CAPN3: variants seen among roughly 807,000 people sequenced by gnomAD.
CAPN3 encodes the protein calpain-3.
A neutral mutation model predicts 114.0 loss-of-function variants in CAPN3; 88 were observed. The ratio of observed to expected loss-of-function variants is 0.77; its 90% CI spans 0.65 to 0.92. The LOEUF (loss-of-function observed/expected upper bound fraction) is 0.92. Ranked by LOEUF, CAPN3 falls within the 40% of genes least tolerant of loss-of-function variation. The pLI, the probability that CAPN3 is intolerant of heterozygous loss-of-function variation, is 0.00. For missense variants in CAPN3, 1,028 were observed against 1,069.0 expected (o/e 0.96, Z 0.53); for synonymous variants, 386 against 382.9 (o/e 1.01, Z -0.09).
intron 6 of CAPN3, among the ~76,000 whole-genome samples, chr15:42,391,251 C>G (rs527404742): frequency 5.3e-5 from 8 of 152,054 alleles, no homozygotes; most frequent in Non-Finnish European, 1.2e-4. Context: ...TGTTTTGCTA[C>G]TATTCTAAAA....
At chr15:42,377,058 GA>G (rs1169874772) in intron 1 of CAPN3, among the ~76,000 whole-genome samples, 1 of 152,036 alleles carries the variant, frequency 6.6e-6, no homozygotes, top group African/African-American at 2.4e-5. Context: ...GTTCCCAGTG[GA>G]TTTTTTTGGG....
At chr15:42,398,632 CACAT>C (rs747848066) in intron 9 of CAPN3, among the ~76,000 whole-genome samples, 155 of 128,170 alleles carry the variant, frequency 1.2e-3, no homozygotes, top group Middle Eastern at 7.5e-3. Flanking sequence ...CACACACACA[CACAT>C]ATATATACAC....
rs111725604 is a variant in CAPN3 at position 42,359,758 on chromosome 15, C to T, written c.-48C>T. ...AGTTGCTTCCTTTCCTTGAAGGTAGCTGTATCTTATTTTCTTTAAAAAGCT... is the reference window on the plus strand; with the variant it reads ...AGTTGCTTCCTTTCCTTGAAGGTAGTTGTATCTTATTTTCTTTAAAAAGCT... On this transcript the variant is annotated 5_prime_UTR_variant, in exon 1 of 24. Coordinates refer to ENST00000397163, the MANE Select transcript of CAPN3 (RefSeq NM_000070.3). The T allele has an allele frequency of 1.2e-6, 2 of 1,611,676 alleles. No individual in the cohort carries two copies.
At chr15:42,365,480 G>A (rs1217296952) in intron 1 of CAPN3, among the ~76,000 whole-genome samples, 1 of 152,118 alleles carries the variant, frequency 6.6e-6, no homozygotes, top group Non-Finnish European at 1.5e-5. Context: ...TCTATTTGCT[G>A]TTGGGAGTTG....
At chr15:42,402,208 C>T in intron 12 of CAPN3, 73 bp downstream of exon 12, 5 of 1,609,396 alleles carry the variant, frequency 3.1e-6, no homozygotes, top group South Asian at 2.2e-5. Context: ...TGTGGCTCGT[C>T]GAGAAGCTTC....
intron 1 of CAPN3, among the ~76,000 whole-genome samples, chr15:42,376,495 C>T (rs925887586): frequency 6.6e-6 from 1 of 150,518 alleles, no homozygotes; most frequent in Non-Finnish European, 1.5e-5. Context: ...GCTTTCTTCA[C>T]TGGGAGCTCT....
chr15:42,386,911 G>C (rs1158111314), intron 3 of CAPN3, among the ~76,000 whole-genome samples: 2 of 152,124 alleles, frequency 1.3e-5, no homozygotes, highest in Non-Finnish European at 2.9e-5. Flanking sequence ...CTTCCGGGAT[G>C]CTGGGGAGTC....
intron 1 of CAPN3, among the ~76,000 whole-genome samples, chr15:42,378,711 G>A (rs1464742151): frequency 3.3e-5 from 5 of 151,662 alleles, no homozygotes; most frequent in African/African-American, 1.2e-4. Flanking sequence ...CTCTTCTATA[G>A]TGTACTAAGA....
chr15:42,380,749 A>AT (rs2053226229), intron 1 of CAPN3, among the ~76,000 whole-genome samples: 26 of 59,478 alleles, frequency 4.4e-4, no homozygotes, highest in South Asian at 1.3e-3. Context: ...ATATATATAT[A>AT]TATTTTTTTT....
At chr15:42,408,814 C>T (rs982670493) in intron 16 of CAPN3, 4 of 290,258 alleles carry the variant, frequency 1.4e-5, no homozygotes, top group Admixed American at 4.9e-5. Flanking sequence ...CAATCCAGGG[C>T]CCCTCTTCTA....
chr15:42,402,257 C>T, intron 12 of CAPN3, 122 bp downstream of exon 12: 1 of 1,598,804 alleles, frequency 6.3e-7, no homozygotes. Context: ...TAGGAGAGGG[C>T]CTTGCCTGTG....
At chr15:42,380,749 A>T (rs867495880) in intron 1 of CAPN3, among the ~76,000 whole-genome samples, 774 of 59,306 alleles carry the variant, frequency 0.013, 7 homozygotes, top group South Asian at 0.033. Flanking sequence ...ATATATATAT[A>T]TATTTTTTTT....
chr15:42,409,687 G>A, intron 17 of CAPN3, 100 bp from the exon 18 acceptor site: 1 of 1,103,496 alleles, frequency 9.1e-7, no homozygotes. Context: ...CACCGACAGG[G>A]ATTTTACAAA....
chr15:42,368,411 A>T (rs1428178010), intron 1 of CAPN3, among the ~76,000 whole-genome samples: 1 of 152,204 alleles, frequency 6.6e-6, no homozygotes, highest in African/African-American at 2.4e-5. Context: ...TGGAGGAAAT[A>T]CGTGTGTCAG....
chr15:42,368,065 C>T (rs1385111669), intron 1 of CAPN3, among the ~76,000 whole-genome samples: 2 of 152,228 alleles, frequency 1.3e-5, no homozygotes, highest in Non-Finnish European at 2.9e-5. Context: ...ATAAACCTTA[C>T]ACAGCCAATC....
chr15:42,404,029 A>C, intron 14 of CAPN3: 1 of 600,818 alleles, frequency 1.7e-6, no homozygotes, highest in Middle Eastern at 2.6e-4. Flanking sequence ...AGGAGAAGCA[A>C]TTTGAACAAT....
chr15:42,408,615 C>A, intron 16 of CAPN3: 2 of 409,402 alleles, frequency 4.9e-6, no homozygotes, highest in South Asian at 4.0e-5. Context: ...TGAGACAGAA[C>A]CAGCTTGAGA....
intron 10 of CAPN3, 147 bp downstream of exon 10, chr15:42,399,799 G>A (rs1276226426): frequency 8.0e-6 from 6 of 748,804 alleles, no homozygotes; most frequent in Admixed American, 3.0e-5. Flanking sequence ...AAACCACCAT[G>A]CTGAGAAGTT....
In CAPN3 at chr15:42,410,639, G is replaced by C. The variant is rs752155690; in HGVS notation, c.2236G>C (p.Glu746Gln). The C allele has an allele frequency of 6.2e-7, 1 of 1,613,940 alleles. No individual in the cohort carries two copies. Among genetic ancestry groups the C allele is most frequent in the East Asian group, 2.2e-5 (1 of 44,874 alleles). Residue 746 changes from glutamate (E) to glutamine (Q), a missense_variant, in exon 21 of 24, where the codon GAG becomes CAG. Glu to Gln is a conservative substitution (Grantham distance 29). Transcript: ENST00000397163. ...TDQSGTINSY[E>Q]MRNAVNDAGF... ...CCAGTCCGGCACCATCAACAGCTACGAGATGCGAAATGCAGTCAACGACGC... is the reference window on the plus strand; with the variant it reads ...CCAGTCCGGCACCATCAACAGCTACCAGATGCGAAATGCAGTCAACGACGC...
Sources: allele counts gnomAD v4.1 joint callset (sites outside exome capture counted in the v4.1 genomes callset), GRCh38; gene constraint gnomAD v4.1.1; transcripts MANE v1.5; gene names NCBI Gene and HGNC (gene_info 2026-07-23, HGNC 2026-07-21).